Variants in CNTN4 observed in about 807,000 individuals in gnomAD.
The protein encoded by CNTN4 is contactin-4.
In CNTN4, 77 loss-of-function variants were observed where a neutral mutation model predicts 122.5. The ratio of observed to expected loss-of-function variants is 0.63; its 90% CI spans 0.52 to 0.76. CNTN4 has a LOEUF of 0.76. CNTN4 is among the 30% of genes least tolerant of loss of function. CNTN4 has a pLI of 0.00. For synonymous variants in CNTN4, 512 were observed against 447.0 expected, an observed-to-expected ratio of 1.15 and a Z score of -1.83; for missense variants, 1,256 against 1,259.1, an observed-to-expected ratio of 1.00 and a Z score of 0.04.
intron 3 of CNTN4, among the ~76,000 whole-genome samples, chr3:2,434,425 G>C (rs1324886100): frequency 6.6e-6 from 1 of 152,198 alleles, no homozygotes; most frequent in Non-Finnish European, 1.5e-5. Context: ...GAAAGAATTT[G>C]GGACATTCAG....
At chr3:2,891,774 G>C (rs2094043739) in intron 10 of CNTN4, among the ~76,000 whole-genome samples, 1 of 152,192 alleles carries the variant, frequency 6.6e-6, no homozygotes, top group Non-Finnish European at 1.5e-5. Context: ...CAGGCACAGA[G>C]TTTGGGTTTT....
At chr3:2,143,065 C>T (rs2727922) in intron 2 of CNTN4, among the ~76,000 whole-genome samples, 74,996 of 151,978 alleles carry the variant, frequency 0.49, 18,738 homozygotes, top group Admixed American at 0.59. Context: ...CTCAAGGTCA[C>T]TGGGAGCACC....
intron 12 of CNTN4, among the ~76,000 whole-genome samples, chr3:2,919,615 CA>C (rs2151311449): frequency 6.6e-6 from 1 of 152,260 alleles, no homozygotes; most frequent in South Asian, 2.1e-4. Flanking sequence ...GTTCATTTAG[CA>C]GACTTCGCAT....
At chr3:2,303,362 G>A (rs1029393115) in intron 2 of CNTN4, among the ~76,000 whole-genome samples, 5 of 151,744 alleles carry the variant, frequency 3.3e-5, no homozygotes, top group African/African-American at 7.2e-5. Flanking sequence ...GCTTCCACTC[G>A]TTTCCCCTAT....
rs186687893 is a variant in CNTN4, at chr3:2,362,685, G to A, written c.-89+23452G>A. 354 of 374,308 alleles carry A rather than the reference G, an allele frequency of 9.5e-4. 1 individual carries two copies. The highest frequency in any genetic ancestry group is 1.8e-3 in the Admixed American group (51 of 28,510). 23.2% of individuals were successfully genotyped at this position (374,308 alleles called of 1,614,324 possible). A position where few individuals can be genotyped will look rare whatever the true frequency, so the allele number is the denominator to read the frequency against. The stretch of plus-strand genomic sequence containing the variant: ...TGATGAGAAGCTGGGTGAACAATCC[G>A]TAAATGACCTGCACATTCACTTACT... On this transcript the variant is annotated intron_variant, in intron 3 of 24. Transcript: ENST00000418658.
chr3:2,554,787 A>G (rs1266839716), intron 3 of CNTN4, among the ~76,000 whole-genome samples: 1 of 152,168 alleles, frequency 6.6e-6, no homozygotes, highest in African/African-American at 2.4e-5. Flanking sequence ...TTAGGCCATA[A>G]TTTGTAAGGA....
chr3:2,467,264 A>G (rs1339056341), intron 3 of CNTN4, among the ~76,000 whole-genome samples: 1 of 151,960 alleles, frequency 6.6e-6, no homozygotes, highest in Non-Finnish European at 1.5e-5. Flanking sequence ...CTGAATTCTA[A>G]ATTTAGTTTC....
chr3:2,511,200 T>C (rs956004102), intron 3 of CNTN4: 1 of 152,192 alleles, frequency 6.6e-6, no homozygotes, highest in Non-Finnish European at 1.5e-5. Flanking sequence ...AATTATATTC[T>C]GTAGTTGAGG....
chr3:2,501,630 C>G (rs1398975520), intron 3 of CNTN4, among the ~76,000 whole-genome samples: 2 of 152,156 alleles, frequency 1.3e-5, no homozygotes, highest in Admixed American at 1.3e-4. Context: ...TGTCATATTA[C>G]CTTCTGTACC....
At chr3:2,679,635 G>A (rs1227202501) in intron 4 of CNTN4, among the ~76,000 whole-genome samples, 1 of 152,146 alleles carries the variant, frequency 6.6e-6, no homozygotes, top group Non-Finnish European at 1.5e-5. Context: ...CCCTGAGCAG[G>A]TCATCTGGTT....
intron 3 of CNTN4, among the ~76,000 whole-genome samples, chr3:2,394,855 C>G (rs775994113): frequency 2.1e-5 from 3 of 141,824 alleles, no homozygotes; most frequent in Non-Finnish European, 4.5e-5. Flanking sequence ...GGCGCAATCT[C>G]GACTGACTGC....
chr3:2,731,270 G>T (rs2088659886), intron 4 of CNTN4, among the ~76,000 whole-genome samples: 2 of 152,048 alleles, frequency 1.3e-5, no homozygotes, highest in African/African-American at 4.8e-5. Flanking sequence ...GTTGAAGCAT[G>T]AAAGCAGATT....
intron 3 of CNTN4, among the ~76,000 whole-genome samples, chr3:2,535,431 A>G (rs1452513067): frequency 1.3e-5 from 2 of 152,090 alleles, no homozygotes; most frequent in African/African-American, 4.8e-5. Flanking sequence ...TTTTTCTAAT[A>G]CTATCAGTGT....
At chr3:2,916,736 G>T (rs1327645532) in intron 12 of CNTN4, among the ~76,000 whole-genome samples, 1 of 142,384 alleles carries the variant, frequency 7.0e-6, no homozygotes, top group African/African-American at 2.9e-5. Context: ...AGACGGGGTG[G>T]CGGCCGGGCA....
At chr3:3,029,668 A>G (rs1372900390) in intron 15 of CNTN4, among the ~76,000 whole-genome samples, 5 of 152,230 alleles carry the variant, frequency 3.3e-5, no homozygotes, top group Admixed American at 6.5e-5. Context: ...GTTACTGTTA[A>G]GAACAGGGAC....
chr3:3,000,098 T>A (rs980581294), intron 14 of CNTN4, among the ~76,000 whole-genome samples: 10 of 152,126 alleles, frequency 6.6e-5, no homozygotes, highest in South Asian at 2.1e-4. Flanking sequence ...AAACTCAGGA[T>A]GAGAGAGCCA....
chr3:2,763,360 T>A (rs1365733290), intron 6 of CNTN4, among the ~76,000 whole-genome samples: 1 of 152,234 alleles, frequency 6.6e-6, no homozygotes, highest in Non-Finnish European at 1.5e-5. Flanking sequence ...AAATTTAAGT[T>A]CCTTATAGAT....
intron 2 of CNTN4, among the ~76,000 whole-genome samples, chr3:2,104,878 A>T (rs958423684): frequency 6.6e-6 from 1 of 152,200 alleles, no homozygotes; most frequent in Non-Finnish European, 1.5e-5. Context: ...TTGCCAAATA[A>T]ATGCCCATTG....
At chr3:2,640,630 A>G (rs2082858467) in intron 4 of CNTN4, among the ~76,000 whole-genome samples, 1 of 103,756 alleles carries the variant, frequency 9.6e-6, no homozygotes, top group Admixed American at 1.0e-4. Flanking sequence ...ATATCTAGTG[A>G]GTGTGTGTAT....
Sources: gnomAD v4.1 joint callset for allele counts (sites outside exome capture counted in the v4.1 genomes callset) on GRCh38, gnomAD v4.1.1 for gene constraint, MANE v1.5 for transcripts, NCBI Gene and HGNC (gene_info 2026-07-23, HGNC 2026-07-21) for gene names.